The following TENM3 variants were observed in gnomAD, a reference collection of about 807,000 sequenced individuals.
TENM3 encodes the protein teneurin-3.
TENM3 carries 63 observed loss-of-function variants against 255.1 expected under a neutral mutation model. The observed-to-expected ratio is 0.25, with a 90% CI of 0.20 to 0.30. The LOEUF is 0.30. TENM3 is among the 10% of genes least tolerant of loss of function. The pLI is 1.00. For missense variants in TENM3, 2,929 were observed against 3,461.1 expected (o/e 0.85, Z 3.86); for synonymous variants, 1,306 against 1,322.3 (o/e 0.99, Z 0.27).
At chr4:181,656,596 C>A in the TENM3 span, among the ~76,000 whole-genome samples, 585 of 152,122 alleles carry the variant, frequency 3.8e-3, 4 homozygotes, top group Non-Finnish European at 4.5e-3. Context: ...ATCCATCAGG[C>A]AGTTTAAAAT....
At chr4:182,020,158 A>G in the TENM3 span, among the ~76,000 whole-genome samples, 4 of 152,196 alleles carry the variant, frequency 2.6e-5, no homozygotes, top group East Asian at 1.9e-4. Flanking sequence ...TGAGGTCAGG[A>G]GTTCGAGACC....
intron 3 of TENM3, among the ~76,000 whole-genome samples, chr4:182,506,605 G>A (rs1254679401): frequency 2.8e-4 from 42 of 152,152 alleles, no homozygotes; most frequent in Non-Finnish European, 4.4e-5. Context: ...AAAGCTGAAT[G>A]CCTGGTCTCA....
chr4:181,489,276 A>G, the TENM3 span, among the ~76,000 whole-genome samples: 1 of 152,198 alleles, frequency 6.6e-6, no homozygotes, highest in Non-Finnish European at 1.5e-5. Flanking sequence ...TCATGAGACA[A>G]AGCTCTCCTT....
At chr4:181,955,819 G>A in the TENM3 span, among the ~76,000 whole-genome samples, 1 of 152,140 alleles carries the variant, frequency 6.6e-6, no homozygotes, top group East Asian at 1.9e-4. Context: ...AATTTTCCAA[G>A]TGAGTTTGAG....
the TENM3 span, among the ~76,000 whole-genome samples, chr4:181,753,402 G>A: frequency 6.6e-6 from 1 of 152,076 alleles, no homozygotes; most frequent in Non-Finnish European, 1.5e-5. Context: ...CTCAAAACAG[G>A]CAGGCAGCAG....
At chr4:181,683,283 C>G in the TENM3 span, among the ~76,000 whole-genome samples, 1 of 152,040 alleles carries the variant, frequency 6.6e-6, no homozygotes, top group Non-Finnish European at 1.5e-5. Context: ...TCAGTCATGA[C>G]TCACCTAGAG....
At chr4:181,463,862 G>C in the TENM3 span, among the ~76,000 whole-genome samples, 1 of 152,078 alleles carries the variant, frequency 6.6e-6, no homozygotes, top group African/African-American at 2.4e-5. Flanking sequence ...AATGTCTGTT[G>C]ATGTGCCTAC....
chr4:181,999,829 A>G, the TENM3 span, among the ~76,000 whole-genome samples: 1 of 152,178 alleles, frequency 6.6e-6, no homozygotes, highest in East Asian at 1.9e-4. Flanking sequence ...TTCATTTTCA[A>G]CCTCAAACTA....
intron 1 of TENM3, among the ~76,000 whole-genome samples, chr4:182,150,425 A>G (rs1004969824): frequency 6.6e-6 from 1 of 152,068 alleles, no homozygotes; most frequent in East Asian, 1.9e-4. Flanking sequence ...AAATTTTTTC[A>G]CTTTTAAATA....
chr4:181,691,904 C>T, the TENM3 span, among the ~76,000 whole-genome samples: 7 of 152,278 alleles, frequency 4.6e-5, no homozygotes, highest in South Asian at 4.1e-4. Context: ...TATTTGCTAA[C>T]GCTGTGGATA....
the TENM3 span, among the ~76,000 whole-genome samples, chr4:181,754,154 T>A: frequency 1.3e-5 from 2 of 152,156 alleles, no homozygotes; most frequent in Non-Finnish European, 2.9e-5. Flanking sequence ...ATCACATTAG[T>A]ATATTTGACA....
intron 1 of TENM3, among the ~76,000 whole-genome samples, chr4:182,192,467 C>A (rs1753586225): frequency 6.6e-6 from 1 of 152,122 alleles, no homozygotes; most frequent in Non-Finnish European, 1.5e-5. Flanking sequence ...CAGGTTTGAC[C>A]ACTGTGGAAG....
In TENM3 at chr4:182,332,059, G is replaced by A. The variant is rs1763792328; in HGVS notation, c.232+7807G>A. 2.6e-5 allele frequency among the ~76,000 whole-genome samples: 4 copies of A among 152,136 alleles called. No homozygotes were observed. The South Asian group carries it at 8.3e-4, about 32-fold the overall frequency. ...GATACAATTTTTTATATTTCTATAG[G>A]ATAGTTGCAGAAACTGATTATGTAT... is the stretch of plus-strand genomic sequence containing the variant. On this transcript the variant is annotated intron_variant, in intron 2 of 27. Transcript: ENST00000511685.
intron 3 of TENM3, among the ~76,000 whole-genome samples, chr4:182,386,624 G>T (rs1021646295): frequency 1.3e-5 from 2 of 148,818 alleles, no homozygotes; most frequent in South Asian, 4.4e-4. Context: ...AGTTCCGGGT[G>T]GGCGTGGGCT....
chr4:181,914,960 G>C, the TENM3 span, among the ~76,000 whole-genome samples: 8 of 152,180 alleles, frequency 5.3e-5, no homozygotes, highest in African/African-American at 1.9e-4. Context: ...TCCATTTACA[G>C]ATGACCAGGC....
At chr4:182,038,099 A>G in the TENM3 span, among the ~76,000 whole-genome samples, 1 of 152,148 alleles carries the variant, frequency 6.6e-6, no homozygotes, top group African/African-American at 2.4e-5. Context: ...AACACACAAC[A>G]CATTTGTTCC....
At chr4:182,271,455 G>A (rs1446364711) in intron 1 of TENM3, among the ~76,000 whole-genome samples, 3 of 152,116 alleles carry the variant, frequency 2.0e-5, no homozygotes, top group South Asian at 2.1e-4. Flanking sequence ...AGGTGGAGGC[G>A]CAGGACATCA....
chr4:181,922,331 C>T, the TENM3 span, among the ~76,000 whole-genome samples: 1 of 152,188 alleles, frequency 6.6e-6, no homozygotes, highest in Non-Finnish European at 1.5e-5. Context: ...CCTTGTACCT[C>T]TGGTAGAATT....
rs560583001 is a variant in TENM3 at position 182,215,262 on chromosome 4, A to G, written c.-76+70508A>G. On this transcript the variant is annotated intron_variant, in intron 1 of 2. Coordinates refer to the TENM3 transcript ENST00000512480. ...TGTCATTAAAGGAAAAGTGTTGTGC[A>G]AGTGACTGATTCAATCTTTATTAAT... Among the ~76,000 whole-genome samples, 36 of 152,362 alleles carry G rather than the reference A, an allele frequency of 2.4e-4. 1 individual carries two copies. The South Asian group carries it at 7.2e-3, about 31-fold the overall frequency.
Sources: allele counts gnomAD v4.1 joint callset (sites outside exome capture counted in the v4.1 genomes callset), GRCh38; gene constraint gnomAD v4.1.1; transcripts MANE v1.5; gene names NCBI Gene and HGNC (gene_info 2026-07-23, HGNC 2026-07-21).